FARS2: variants seen among roughly 807,000 people sequenced by gnomAD.
FARS2 encodes phenylalanine--tRNA ligase, mitochondrial.
In FARS2, 40 loss-of-function variants were observed where a neutral mutation model predicts 46.4. The observed-to-expected ratio is 0.86, with a 90% CI of 0.67 to 1.12. The LOEUF (loss-of-function observed/expected upper bound fraction) is 1.12, where lower values mean the gene tolerates loss of function less well. Ranked by LOEUF, FARS2 falls within the 50% of genes most tolerant of loss-of-function variation. The pLI is 0.00. For missense variants in FARS2, 513 were observed against 567.9 expected, an observed-to-expected ratio of 0.90 and a Z score of 0.98; for synonymous variants, 234 against 214.9, an observed-to-expected ratio of 1.09 and a Z score of -0.78.
chr6:5,362,935 T>TTC (rs1758404543), intron 1 of FARS2, among the ~76,000 whole-genome samples: 1 of 142,122 alleles, frequency 7.0e-6, no homozygotes, highest in East Asian at 2.0e-4. Flanking sequence ...TTCTTTTTTT[T>TTC]TTTTTTTTTG....
intron 6 of FARS2, among the ~76,000 whole-genome samples, chr6:5,708,453 C>T (rs1758903363): frequency 6.6e-6 from 1 of 152,124 alleles, no homozygotes; most frequent in Non-Finnish European, 1.5e-5. Context: ...TGTGGGAGTC[C>T]ACAGCTATGG....
chr6:5,382,668 G>A (rs2127672064), intron 2 of FARS2, among the ~76,000 whole-genome samples: 1 of 152,302 alleles, frequency 6.6e-6, no homozygotes, highest in East Asian at 1.9e-4. Flanking sequence ...GAATCGTGGA[G>A]ATTCCACCTT....
At chr6:5,740,842 C>G (rs545187911) in intron 6 of FARS2, among the ~76,000 whole-genome samples, 1 of 152,188 alleles carries the variant, frequency 6.6e-6, no homozygotes, top group African/African-American at 2.4e-5. Flanking sequence ...TCCCAGGCTC[C>G]GTCTTTTGTA....
Position 5,364,759 on chromosome 6 carries a change from A to C in FARS2, c.-21-3791A>C, listed in dbSNP as rs78484712. On this transcript the variant is annotated intron_variant, in intron 1 of 6. Transcript: ENST00000274680. ...TGTAAAAACAGACTATGGGCAAGGC[A>C]CGATGGCTTAAGCCTGTAATCCCAG... 5.1e-3 allele frequency among the ~76,000 whole-genome samples: 776 copies of C among 152,336 alleles called. 7 individuals carry two copies. Among genetic ancestry groups the C allele is most frequent in the African/African-American group, 0.015 (644 of 41,572 alleles).
chr6:5,304,141 A>C (rs1201280549), intron 1 of FARS2, among the ~76,000 whole-genome samples: 1 of 152,200 alleles, frequency 6.6e-6, no homozygotes, highest in Non-Finnish European at 1.5e-5. Context: ...AAAGCTTAGA[A>C]ATAAAGAAGG....
At chr6:5,337,192 A>T (rs182921284) in intron 1 of FARS2, among the ~76,000 whole-genome samples, 3 of 151,354 alleles carry the variant, frequency 2.0e-5, no homozygotes, top group Non-Finnish European at 2.9e-5. Flanking sequence ...TAATATGTAT[A>T]TATATATATA....
chr6:5,713,247 G>T (rs931257447), intron 6 of FARS2, among the ~76,000 whole-genome samples: 7 of 152,320 alleles, frequency 4.6e-5, no homozygotes, highest in African/African-American at 1.7e-4. Context: ...AGGTGGTAGC[G>T]TTTTGGTTGT....
At chr6:5,606,013 C>T (rs971356108) in intron 5 of FARS2, among the ~76,000 whole-genome samples, 11 of 152,096 alleles carry the variant, frequency 7.2e-5, no homozygotes, top group African/African-American at 2.7e-4. Context: ...AGCACAGACA[C>T]ACACAGAATA....
At chr6:5,572,938 T>C (rs578130588) in intron 5 of FARS2, among the ~76,000 whole-genome samples, 2 of 152,336 alleles carry the variant, frequency 1.3e-5, no homozygotes, top group East Asian at 3.9e-4. Context: ...GTTAATAGTT[T>C]AATGCTGTCT....
intron 1 of FARS2, among the ~76,000 whole-genome samples, chr6:5,354,920 G>A (rs1381285827): frequency 6.6e-6 from 1 of 152,102 alleles, no homozygotes; most frequent in Non-Finnish European, 1.5e-5. Context: ...TGGGTCTAGG[G>A]TAGGGCTTGA....
At chr6:5,352,310 G>A (rs1207992188) in intron 1 of FARS2, among the ~76,000 whole-genome samples, 1 of 151,372 alleles carries the variant, frequency 6.6e-6, no homozygotes, top group Non-Finnish European at 1.5e-5. Flanking sequence ...TTGATTTCTG[G>A]GAGGGAGCCT....
intron 5 of FARS2, among the ~76,000 whole-genome samples, chr6:5,574,575 G>T (rs1379357166): frequency 6.6e-6 from 1 of 152,150 alleles, no homozygotes; most frequent in African/African-American, 2.4e-5. Context: ...CCTTTACTCA[G>T]ATTTTGTGTA....
At chr6:5,453,685 C>T (rs944671392) in intron 4 of FARS2, among the ~76,000 whole-genome samples, 2 of 152,328 alleles carry the variant, frequency 1.3e-5, no homozygotes. Flanking sequence ...TTACACCAGT[C>T]GTTCTACTGG....
chr6:5,434,748 G>C lies in FARS2; in HGVS notation c.904+3576G>C, dbSNP rs144904671. ...TCTCTTCTTCTATATTTGCTCCCCTGCTCTCCCTTCCTTCTTCCTCCCTGC... is the reference window on the plus strand; with the variant it reads ...TCTCTTCTTCTATATTTGCTCCCCTCCTCTCCCTTCCTTCTTCCTCCCTGC... On this transcript the variant is annotated intron_variant, in intron 4 of 6. Transcript: ENST00000274680. Among the ~76,000 whole-genome samples, 716 of 151,752 alleles carry C rather than the reference G, an allele frequency of 4.7e-3. 4 individuals are homozygous for C. Among genetic ancestry groups the C allele is most frequent in the African/African-American group, 0.017 (680 of 41,174 alleles).
chr6:5,415,907 A>G (rs1209889296), intron 3 of FARS2, among the ~76,000 whole-genome samples: 1 of 151,970 alleles, frequency 6.6e-6, no homozygotes, highest in South Asian at 2.1e-4. Flanking sequence ...GGGTCTCACT[A>G]TATTGTCCAG....
At chr6:5,769,295 T>C (rs974551694) in intron 6 of FARS2, among the ~76,000 whole-genome samples, 2 of 152,122 alleles carry the variant, frequency 1.3e-5, no homozygotes, top group African/African-American at 4.8e-5. Context: ...AATGGAGCAA[T>C]TGTAGTTTGA....
chr6:5,602,322 G>T (rs181283043), intron 5 of FARS2, among the ~76,000 whole-genome samples: 1 of 152,272 alleles, frequency 6.6e-6, no homozygotes, highest in Admixed American at 6.5e-5. Context: ...ATTCATGGGA[G>T]CTGAAGAATT....
At chr6:5,530,401 A>G (rs2150452971) in intron 4 of FARS2, among the ~76,000 whole-genome samples, 1 of 152,310 alleles carries the variant, frequency 6.6e-6, no homozygotes, top group South Asian at 2.1e-4. Context: ...GTGATCCTCA[A>G]CTGGATCCTT....
intron 6 of FARS2, among the ~76,000 whole-genome samples, chr6:5,695,809 G>A (rs1436407908): frequency 1.2e-4 from 18 of 152,256 alleles, no homozygotes; most frequent in Non-Finnish European, 1.6e-4. Context: ...TCAACAAACC[G>A]CACCAAAAAA....
Sources: allele counts gnomAD v4.1 joint callset (sites outside exome capture counted in the v4.1 genomes callset), GRCh38; gene constraint gnomAD v4.1.1; transcripts MANE v1.5; gene names NCBI Gene and HGNC (gene_info 2026-07-23, HGNC 2026-07-21).